Variants in XPO6 observed in about 807,000 individuals in gnomAD.
XPO6 encodes exportin-6.
XPO6 carries 3 observed loss-of-function variants against 130.0 expected under a neutral mutation model. The ratio of observed to expected loss-of-function variants is 0.02; its 90% confidence interval spans 0.01 to 0.06. The LOEUF is 0.06. Among genes scored for constraint, XPO6 ranks in the 10% least tolerant of loss-of-function variants. XPO6 has a pLI of 1.00. For synonymous variants in XPO6, 524 were observed against 548.9 expected, an observed-to-expected ratio of 0.95 and a Z score of 0.63; for missense variants, 970 against 1,393.0, an observed-to-expected ratio of 0.70 and a Z score of 4.83.
At position 28,173,209 on chromosome 16, in the gene XPO6, C is replaced by T. The variant is rs532627206; in HGVS notation, c.405+2689G>A. ...ATCCAAGGAGGTCCTGGAACCAATCCCCCACGGATACAGAGGGATAACTCC... is the reference window on the plus strand; with the variant it reads ...ATCCAAGGAGGTCCTGGAACCAATCTCCCACGGATACAGAGGGATAACTCC... On this transcript the variant is annotated intron_variant, in intron 4 of 23. Transcript: ENST00000304658. The T allele has an allele frequency of 1.1e-3, 161 of 152,232 alleles. 1 individual carries two copies. The highest frequency in any genetic ancestry group is 3.5e-3 in the African/African-American group (147 of 41,538). 9.4% of individuals were successfully genotyped at this position (152,232 alleles called of 1,614,324 possible).
intron 9 of XPO6, among the ~76,000 whole-genome samples, chr16:28,140,814 C>T (rs2042877813): frequency 6.6e-6 from 1 of 151,302 alleles, no homozygotes; most frequent in Admixed American, 6.6e-5. Context: ...TAAAATTATA[C>T]ATGTTAAGGC....
chr16:28,163,945 T>A, intron 6 of XPO6, among the ~76,000 whole-genome samples: 1 of 152,322 alleles, frequency 6.6e-6, no homozygotes, highest in Non-Finnish European at 1.5e-5. Context: ...GTGATCACTA[T>A]TGCAGCCAGT....
intron 1 of XPO6, among the ~76,000 whole-genome samples, chr16:28,184,344 CTAAG>C (rs918378331): frequency 2.6e-4 from 40 of 152,238 alleles, no homozygotes; most frequent in African/African-American, 8.9e-4. Context: ...AAGTTTAAAA[CTAAG>C]TGAGACACAT....
At chr16:28,175,431 A>G (rs1257132217) in intron 4 of XPO6, among the ~76,000 whole-genome samples, 7 of 152,014 alleles carry the variant, frequency 4.6e-5, no homozygotes, top group African/African-American at 1.7e-4. Flanking sequence ...CTGCCCATCA[A>G]TCTAGCCCCT....
chr16:28,188,499 C>G (rs1333706196), intron 1 of XPO6, among the ~76,000 whole-genome samples: 1 of 152,050 alleles, frequency 6.6e-6, no homozygotes, highest in Non-Finnish European at 1.5e-5. Context: ...GATTCTATCC[C>G]TGCTGCCAAC....
intron 9 of XPO6, among the ~76,000 whole-genome samples, chr16:28,138,845 G>A (rs1049913801): frequency 6.6e-6 from 1 of 152,178 alleles, no homozygotes; most frequent in Non-Finnish European, 1.5e-5. Flanking sequence ...GGAGAGGGAA[G>A]CCACGCCTAA....
chr16:28,113,267 C>T (rs1241930716), intron 15 of XPO6, among the ~76,000 whole-genome samples: 1 of 152,180 alleles, frequency 6.6e-6, no homozygotes, highest in Non-Finnish European at 1.5e-5. Flanking sequence ...CACCTCCTCC[C>T]GTTCCTCCTT....
At position 28,174,816 on chromosome 16, in the gene XPO6, A is replaced by G. The variant is rs1241034713; in HGVS notation, c.405+1082T>C. Among the ~76,000 whole-genome samples, 3 of 152,204 alleles carry G rather than the reference A, an allele frequency of 2.0e-5. No homozygotes were observed. The South Asian group carries it at 6.2e-4, about 31-fold the overall frequency. On this transcript the variant is annotated intron_variant, in intron 4 of 23. Transcript: ENST00000304658. ...AATTTTCAAAGAACTTTATTTCTAT[A>G]AACTGTATATAATACCCACTTCCTG...
At chr16:28,208,518 G>T (rs1326216807) in intron 1 of XPO6, among the ~76,000 whole-genome samples, 1 of 152,100 alleles carries the variant, frequency 6.6e-6, no homozygotes, top group Admixed American at 6.6e-5. Context: ...GACACAAAAA[G>T]GACAATCCTA....
chr16:28,155,837 A>G (rs1596895294), intron 7 of XPO6: 1 of 1,047,694 alleles, frequency 9.5e-7, no homozygotes, highest in East Asian at 3.3e-5. Flanking sequence ...ATGGATGGGG[A>G]GAAAAGACAA....
rs117751227 is a variant in XPO6 at position 28,110,852 on chromosome 16, G to C, written c.2341+965C>G. ...GAAAGTTGATACTGGCATAGCCAGA[G>C]ACTTGACGATGGATATAGAATCACC... On this transcript the variant is annotated intron_variant, in intron 17 of 23. Transcript: ENST00000304658. Among the ~76,000 whole-genome samples the C allele has an allele frequency of 2.4e-3, 365 of 152,362 alleles. 2 individuals carry two copies. Among genetic ancestry groups the C allele is most frequent in the Non-Finnish European group, 4.5e-3 (306 of 68,036 alleles).
At chr16:28,110,720 A>T (rs1482904239) in intron 17 of XPO6, among the ~76,000 whole-genome samples, 3 of 152,252 alleles carry the variant, frequency 2.0e-5, no homozygotes, top group Admixed American at 6.5e-5. Context: ...GCTAATCATC[A>T]ATCAAGATCC....
rs567910433 is a variant in XPO6, at chr16:28,106,243, A to C, written c.2613-29T>G. The C allele has an allele frequency of 6.2e-7, 1 of 1,610,984 alleles. No individual in the cohort carries two copies. The highest frequency in any genetic ancestry group is 8.5e-7 in the Non-Finnish European group (1 of 1,177,556). On this transcript the variant is annotated intron_variant, in intron 19 of 23. Transcript: ENST00000304658. This position sits in a 1 kb window ranked among gnomAD's most constrained non-coding sequence, Gnocchi z 4.2. ...CAGAGGAGAAAGCCACACAGTGAGCAACCACATGTTTCTCTGGGGGCCAGC... is the reference window on the plus strand; with the variant it reads ...CAGAGGAGAAAGCCACACAGTGAGCCACCACATGTTTCTCTGGGGGCCAGC...
chr16:28,197,904 G>A (rs963089515), intron 1 of XPO6, among the ~76,000 whole-genome samples: 10 of 92,166 alleles, frequency 1.1e-4, no homozygotes, highest in Non-Finnish European at 1.4e-4. Flanking sequence ...GAGCAACACA[G>A]AGAGACTCTT....
At position 28,132,615 on chromosome 16, in the gene XPO6, C is replaced by T. The variant is rs577858019; in HGVS notation, c.1537-212G>A. Among the ~76,000 whole-genome samples the T allele has an allele frequency of 7.0e-6, 1 of 142,588 alleles. No homozygotes were observed. The highest frequency in any genetic ancestry group is 1.5e-5 in the Non-Finnish European group (1 of 65,830). 93.5% of individuals were successfully genotyped at this position (142,588 alleles called of 152,430 possible). ...ATAATTGAAACCGCCAATTAATACA[C>T]AGAATAAGAAAGAAAACGTATTAGT... On this transcript the variant is annotated intron_variant, in intron 11 of 23. Coordinates refer to ENST00000304658, the MANE Select transcript of XPO6 (RefSeq NM_015171.4). The surrounding 1 kb of genome is among the most constrained non-coding windows in gnomAD (Gnocchi z 4.0).
intron 8 of XPO6, 115 bp from the exon 9 acceptor site, chr16:28,146,318 C>T: frequency 1.2e-6 from 1 of 862,612 alleles, no homozygotes; most frequent in Non-Finnish European, 1.8e-6. Flanking sequence ...GCCTAGATTC[C>T]CCAGTTTCCT....
At chr16:28,135,800 AAATGT>A (rs1389133092) in intron 9 of XPO6, among the ~76,000 whole-genome samples, 1 of 152,152 alleles carries the variant, frequency 6.6e-6, no homozygotes, top group Non-Finnish European at 1.5e-5. Context: ...CTAATCCACT[AAATGT>A]AATGTAATTA....
At chr16:28,179,568 T>C (rs1317399907) in intron 2 of XPO6, among the ~76,000 whole-genome samples, 5 of 152,130 alleles carry the variant, frequency 3.3e-5, no homozygotes, top group Non-Finnish European at 1.5e-5. Flanking sequence ...TTCTGTTTCC[T>C]CCACTCTACA....
intron 3 of XPO6, among the ~76,000 whole-genome samples, chr16:28,177,000 C>T (rs2043544542): frequency 1.3e-5 from 2 of 152,108 alleles, no homozygotes; most frequent in African/African-American, 4.8e-5. Flanking sequence ...AAATGACCTA[C>T]CTACTTAACC....
Sources: allele counts gnomAD v4.1 joint callset (sites outside exome capture counted in the v4.1 genomes callset), GRCh38; gene constraint gnomAD v4.1.1; non-coding constraint Gnocchi (gnomAD v3.1); transcripts MANE v1.5; gene names NCBI Gene and HGNC (gene_info 2026-07-23, HGNC 2026-07-21).